WWOX: variants seen among roughly 807,000 people sequenced by gnomAD.
WWOX encodes WW domain containing oxidoreductase.
Under a neutral mutation model 46.2 loss-of-function variants are expected in WWOX, and 69 were observed. The ratio of observed to expected loss-of-function variants is 1.49; its 90% CI spans 1.23 to 1.82. The LOEUF is 1.82. Among genes scored for constraint, WWOX ranks in the 40% most tolerant of loss-of-function variants. The pLI, the probability that WWOX is intolerant of heterozygous loss-of-function variation, is 0.00. For synonymous variants in WWOX, 359 were observed against 202.6 expected, an observed-to-expected ratio of 1.77 and a Z score of -6.56; for missense variants, 919 against 542.6, an observed-to-expected ratio of 1.69 and a Z score of -6.89.
intron 8 of WWOX, among the ~76,000 whole-genome samples, chr16:78,978,192 A>AT (rs1295220572): frequency 2.0e-5 from 3 of 152,198 alleles, no homozygotes; most frequent in East Asian, 1.9e-4. Flanking sequence ...TTATCACTGA[A>AT]TAGTATTCCA....
rs779612341 is a variant in WWOX at position 79,211,740 on chromosome 16, C to T, written c.1189C>T (p.Leu397=). 22 of 1,614,112 alleles carry T rather than the reference C, an allele frequency of 1.4e-5. No homozygotes were observed. Among genetic ancestry groups the T allele is most frequent in the South Asian group, 2.2e-5 (2 of 91,090 alleles). ...EAQSEETART[L]WALSERLIQE... is the part of the protein sequence containing the mutation. ...TCAGAGCGAAGAGACGGCCCGGACC[C>T]TGTGGGCGCTCAGCGAGAGGCTGAT... The change falls in exon 9 of 9, where the codon CTG becomes TTG. Residue 397 remains leucine (L), a synonymous_variant. Coordinates refer to ENST00000566780, the MANE Select transcript of WWOX (RefSeq NM_016373.4).
At chr16:78,125,786 C>G (rs1319734777) in intron 4 of WWOX, among the ~76,000 whole-genome samples, 1 of 152,064 alleles carries the variant, frequency 6.6e-6, no homozygotes, top group Non-Finnish European at 1.5e-5. Context: ...AGGAATAAGT[C>G]TGGGGGAATG....
chr16:79,050,096 T>G (rs2048138187), intron 8 of WWOX, among the ~76,000 whole-genome samples: 1 of 152,138 alleles, frequency 6.6e-6, no homozygotes, highest in African/African-American at 2.4e-5. Context: ...GTGACTTGGT[T>G]GCTGCTGCTG....
chr16:78,750,829 C>T (rs1297894197), intron 8 of WWOX, among the ~76,000 whole-genome samples: 1 of 152,078 alleles, frequency 6.6e-6, no homozygotes, highest in African/African-American at 2.4e-5. Context: ...TGATTTTCTT[C>T]TTTTTTATGG....
intron 6 of WWOX, among the ~76,000 whole-genome samples, chr16:78,413,302 A>C (rs111798867): frequency 6.6e-6 from 1 of 152,168 alleles, no homozygotes; most frequent in Non-Finnish European, 1.5e-5. Context: ...GAGACCACCA[A>C]ACAGGGTTTG....
At chr16:79,018,306 G>T (rs1163900617) in intron 8 of WWOX, among the ~76,000 whole-genome samples, 1 of 152,214 alleles carries the variant, frequency 6.6e-6, no homozygotes, top group Non-Finnish European at 1.5e-5. Flanking sequence ...ATATCTGACA[G>T]TTGTTAATTA....
At chr16:78,620,900 A>G (rs1413398489) in intron 8 of WWOX, among the ~76,000 whole-genome samples, 1 of 151,962 alleles carries the variant, frequency 6.6e-6, no homozygotes. Context: ...ATTTGGTTGG[A>G]ATTTTATTTT....
chr16:78,636,715 A>AC (rs2046580367), intron 8 of WWOX, among the ~76,000 whole-genome samples: 1 of 152,150 alleles, frequency 6.6e-6, no homozygotes, highest in Admixed American at 6.5e-5. Flanking sequence ...AAAACAGGCA[A>AC]CCTAGCTCAG....
chr16:78,373,711 A>G (rs746301280), intron 5 of WWOX, among the ~76,000 whole-genome samples: 10 of 152,064 alleles, frequency 6.6e-5, no homozygotes, highest in Non-Finnish European at 1.5e-4. Flanking sequence ...TTGATGACTG[A>G]TAAATTTGAA....
chr16:78,375,127 C>T (rs2081789027), intron 5 of WWOX, among the ~76,000 whole-genome samples: 2 of 152,206 alleles, frequency 1.3e-5, no homozygotes, highest in Non-Finnish European at 2.9e-5. Context: ...TCCTCCTTTG[C>T]TTCTGGAGAT....
At chr16:78,189,940 C>T (rs189498275) in intron 5 of WWOX, among the ~76,000 whole-genome samples, 2 of 148,730 alleles carry the variant, frequency 1.3e-5, no homozygotes, top group East Asian at 1.9e-4. Context: ...CAGGAATGAG[C>T]CACCACGCCC....
chr16:78,489,485 T>C (rs920974957), intron 8 of WWOX, among the ~76,000 whole-genome samples: 1 of 152,196 alleles, frequency 6.6e-6, no homozygotes, highest in Non-Finnish European at 1.5e-5. Context: ...CTTTTTTTTT[T>C]CTAACCACTT....
chr16:78,573,219 G>A (rs1277417543), intron 8 of WWOX, among the ~76,000 whole-genome samples: 1 of 152,182 alleles, frequency 6.6e-6, no homozygotes, highest in African/African-American at 2.4e-5. Flanking sequence ...CCAGGAGGCA[G>A]AGCTTGCAGT....
intron 8 of WWOX, among the ~76,000 whole-genome samples, chr16:78,794,842 G>A (rs2050696413): frequency 6.6e-6 from 1 of 152,234 alleles, no homozygotes; most frequent in African/African-American, 2.4e-5. Flanking sequence ...ACTGCCAACT[G>A]TGGCTGCTGA....
intron 8 of WWOX, among the ~76,000 whole-genome samples, chr16:79,086,001 G>A (rs1027810654): frequency 3.3e-5 from 5 of 152,088 alleles, no homozygotes; most frequent in African/African-American, 1.2e-4. Flanking sequence ...GCATCCAGGA[G>A]GTTGAGGCTG....
In WWOX at chr16:78,807,922, C is replaced by T. The variant is rs575992790; in HGVS notation, c.1056+375170C>T. ...CATGTACCTAACACATTGGACAGCA[C>T]GGTTACAGAACGTTTTCATTTCATC... On this transcript the variant is annotated intron_variant, in intron 8 of 8. Transcript: ENST00000566780. 7.2e-5 allele frequency among the ~76,000 whole-genome samples: 11 copies of T among 152,344 alleles called. No individual in the cohort carries two copies. In the South Asian group the frequency reaches 1.0e-3, roughly 14 times the overall value.
At chr16:78,931,230 G>A (rs898457193) in intron 8 of WWOX, among the ~76,000 whole-genome samples, 6 of 152,198 alleles carry the variant, frequency 3.9e-5, no homozygotes, top group African/African-American at 1.4e-4. Context: ...AGACCCTGGA[G>A]ATGCTGTGTG....
intron 8 of WWOX, among the ~76,000 whole-genome samples, chr16:78,570,614 G>A (rs1470791564): frequency 6.6e-6 from 1 of 152,124 alleles, no homozygotes; most frequent in African/African-American, 2.4e-5. Flanking sequence ...AAGCCCAGCT[G>A]CTGCAGTTAC....
chr16:78,451,670 C>T (rs2083694391), intron 8 of WWOX, among the ~76,000 whole-genome samples: 1 of 152,182 alleles, frequency 6.6e-6, no homozygotes, highest in African/African-American at 2.4e-5. Context: ...CAGCTGAAAC[C>T]TTTGGTGTAT....
Sources: allele counts gnomAD v4.1 joint callset (sites outside exome capture counted in the v4.1 genomes callset), GRCh38; gene constraint gnomAD v4.1.1; transcripts MANE v1.5; gene names NCBI Gene and HGNC (gene_info 2026-07-23, HGNC 2026-07-21).